Variants in FHL2 observed in about 807,000 individuals in gnomAD.
The protein encoded by FHL2 is four and a half LIM domains 2.
In FHL2, 20 loss-of-function variants were observed where a neutral mutation model predicts 32.7. The observed-to-expected ratio is 0.61, with a 90% CI of 0.43 to 0.89. The LOEUF is 0.89. Ranked by LOEUF, FHL2 falls within the 40% of genes least tolerant of loss-of-function variation. The pLI, the probability that FHL2 is intolerant of heterozygous loss-of-function variation, is 0.00. For missense variants in FHL2, 311 were observed against 358.6 expected (o/e 0.87, Z 1.07); for synonymous variants, 123 against 128.1 (o/e 0.96, Z 0.27).
chr2:105,394,116 C>T (rs772704550), intron 2 of FHL2, among the ~76,000 whole-genome samples: 3 of 152,136 alleles, frequency 2.0e-5, no homozygotes, highest in African/African-American at 4.8e-5. Context: ...GAGAATACCC[C>T]GCACCATTTT....
chr2:105,406,094 A>G (rs773691889), intron 1 of FHL2, among the ~76,000 whole-genome samples: 1 of 152,206 alleles, frequency 6.6e-6, no homozygotes, highest in African/African-American at 2.4e-5. Context: ...AGGTACTTTA[A>G]AATTGGACCT....
intron 1 of FHL2, among the ~76,000 whole-genome samples, chr2:105,428,293 T>C (rs1684323219): frequency 6.6e-6 from 1 of 152,240 alleles, no homozygotes; most frequent in Admixed American, 6.5e-5. Flanking sequence ...ATAGCTCAGC[T>C]GACACAGATT....
intron 1 of FHL2, among the ~76,000 whole-genome samples, chr2:105,397,873 G>GTTTTTTTT (rs1192168352): frequency 2.5e-5 from 1 of 40,372 alleles, no homozygotes; most frequent in African/African-American, 6.5e-5. Flanking sequence ...AATGGTTTTT[G>GTTTTTTTT]TTTTTTTGTT....
At chr2:105,426,937 G>A (rs1056808474) in intron 1 of FHL2, among the ~76,000 whole-genome samples, 7 of 152,024 alleles carry the variant, frequency 4.6e-5, no homozygotes, top group East Asian at 1.9e-4. Context: ...TTCCTTTTTC[G>A]ATAAAGACTT....
At chr2:105,399,301 G>A, upstream of FHL2, 1 of 1,535,844 alleles carries the variant, frequency 6.5e-7, no homozygotes, top group East Asian at 2.4e-5. Context: ...CGCCTCCGGC[G>A]TGGGCTCTCG....
chr2:105,377,419 T>C (rs1057346860), intron 3 of FHL2, among the ~76,000 whole-genome samples: 79 of 151,972 alleles, frequency 5.2e-4, no homozygotes, highest in Non-Finnish European at 8.5e-4. Context: ...TCACCTGAGG[T>C]CATGAGTTCG....
chr2:105,423,312 A>G (rs1202755228), intron 1 of FHL2, among the ~76,000 whole-genome samples: 3 of 152,236 alleles, frequency 2.0e-5, no homozygotes, highest in African/African-American at 7.2e-5. Flanking sequence ...TCATAAACCT[A>G]TTGCATCAAC....
At chr2:105,402,109 G>GTATATATACATATATACATATACACA (rs1683489898), upstream of FHL2, among the ~76,000 whole-genome samples, 3 of 141,918 alleles carry the variant, frequency 2.1e-5, no homozygotes, top group African/African-American at 7.9e-5. Flanking sequence ...ATATATACAC[G>GTATATATACATATATACATATACACA]TATATATACA....
chr2:105,365,673 A>G (rs947547775), intron 5 of FHL2, among the ~76,000 whole-genome samples: 4 of 146,608 alleles, frequency 2.7e-5, no homozygotes, highest in Non-Finnish European at 6.0e-5. Context: ...CGTCTCTACT[A>G]CAAAAAAAAA....
At chr2:105,404,008 G>T (rs1195716474), upstream of FHL2, among the ~76,000 whole-genome samples, 1 of 152,206 alleles carries the variant, frequency 6.6e-6, no homozygotes, top group Admixed American at 6.5e-5. Context: ...GGGTCGTGGG[G>T]GGGAGGCTGG....
upstream of FHL2, among the ~76,000 whole-genome samples, chr2:105,402,726 T>C (rs72836925): frequency 0.019 from 2,856 of 152,306 alleles, 38 homozygotes; most frequent in Non-Finnish European, 0.031. Context: ...AAGGACAAAG[T>C]ATTAAAAACA....
chr2:105,387,010 C>G (rs536829864), intron 2 of FHL2, among the ~76,000 whole-genome samples: 39 of 152,226 alleles, frequency 2.6e-4, no homozygotes, highest in Non-Finnish European at 4.9e-4. Flanking sequence ...GGTGATCTGC[C>G]CACCTCAGCC....
intron 1 of FHL2, among the ~76,000 whole-genome samples, chr2:105,423,079 G>A (rs749033323): frequency 4.6e-5 from 7 of 152,130 alleles, no homozygotes; most frequent in East Asian, 1.9e-4. Context: ...GGTATCAAGC[G>A]TCAGGTCCCT....
intron 1 of FHL2, among the ~76,000 whole-genome samples, chr2:105,425,619 A>G (rs965636880): frequency 6.6e-5 from 10 of 152,086 alleles, no homozygotes; most frequent in Non-Finnish European, 1.2e-4. Context: ...ACTCTGAGAT[A>G]GGAGAAAAGC....
At chr2:105,364,982 G>A (rs1680528232) in intron 5 of FHL2, among the ~76,000 whole-genome samples, 1 of 152,052 alleles carries the variant, frequency 6.6e-6, no homozygotes, top group Non-Finnish European at 1.5e-5. Flanking sequence ...CACCAAACAC[G>A]CTTGGTTGCA....
At chr2:105,389,359 T>G (rs1682553981) in intron 2 of FHL2, among the ~76,000 whole-genome samples, 2 of 152,248 alleles carry the variant, frequency 1.3e-5, no homozygotes, top group African/African-American at 4.8e-5. Flanking sequence ...GTTATTGGCC[T>G]TGAAAGTTGC....
At chr2:105,434,523 T>A (rs1322222171) in intron 1 of FHL2, among the ~76,000 whole-genome samples, 4 of 151,958 alleles carry the variant, frequency 2.6e-5, no homozygotes, top group Admixed American at 2.0e-4. Flanking sequence ...AGCTGAGATC[T>A]TGCCACTGCA....
chr2:105,372,066 G>A (rs1310257184), intron 4 of FHL2, among the ~76,000 whole-genome samples: 1 of 152,144 alleles, frequency 6.6e-6, no homozygotes, highest in Non-Finnish European at 1.5e-5. Flanking sequence ...AACAGGGCTG[G>A]GACTGTGTCA....
chr2:105,408,136 G>A (rs1271129616), intron 1 of FHL2, among the ~76,000 whole-genome samples: 1 of 152,142 alleles, frequency 6.6e-6, no homozygotes, highest in African/African-American at 2.4e-5. Context: ...CTGTGGCTTT[G>A]CAGAGGTACC....
Sources: gnomAD v4.1 joint callset for allele counts (sites outside exome capture counted in the v4.1 genomes callset) on GRCh38, gnomAD v4.1.1 for gene constraint, MANE v1.5 for transcripts, NCBI Gene and HGNC (gene_info 2026-07-23, HGNC 2026-07-21) for gene names.